TSPAN18: variants seen among roughly 807,000 people sequenced by gnomAD.
TSPAN18 encodes the protein tetraspanin-18.
TSPAN18 carries 14 observed loss-of-function variants against 27.3 expected under a neutral mutation model. That is an observed-to-expected ratio of 0.51 (90% confidence interval 0.34 to 0.80). TSPAN18 has a LOEUF of 0.80. Ranked by LOEUF, TSPAN18 falls within the 30% of genes least tolerant of loss-of-function variation. TSPAN18 has a pLI of 0.01. For synonymous variants in TSPAN18, 143 were observed against 136.5 expected, an observed-to-expected ratio of 1.05 and a Z score of -0.33; for missense variants, 268 against 323.9, an observed-to-expected ratio of 0.83 and a Z score of 1.32.
intron 8 of TSPAN18, among the ~76,000 whole-genome samples, chr11:44,922,846 C>T (rs1261805687): frequency 6.6e-6 from 1 of 152,252 alleles, no homozygotes; most frequent in East Asian, 1.9e-4. Context: ...CGTTGGCTCA[C>T]GCCTGTAATC....
intron 3 of TSPAN18, among the ~76,000 whole-genome samples, chr11:44,871,363 A>G (rs1858190493): frequency 6.6e-6 from 1 of 152,130 alleles, no homozygotes. Flanking sequence ...AAGGGCACTA[A>G]TCTTATTCAT....
intron 2 of TSPAN18, among the ~76,000 whole-genome samples, chr11:44,850,142 C>T (rs1028028971): frequency 1.3e-5 from 2 of 152,180 alleles, no homozygotes; most frequent in African/African-American, 4.8e-5. Context: ...TGAAGCCGCT[C>T]CTGCTCCCCA....
intron 1 of TSPAN18, among the ~76,000 whole-genome samples, chr11:44,744,977 A>G (rs949947270): frequency 1.3e-5 from 2 of 151,684 alleles, no homozygotes; most frequent in African/African-American, 4.8e-5. Context: ...GACGTCTGTC[A>G]TGGTTGGAGG....
chr11:44,831,406 T>G (rs903097910), intron 2 of TSPAN18, among the ~76,000 whole-genome samples: 1 of 152,210 alleles, frequency 6.6e-6, no homozygotes, highest in Non-Finnish European at 1.5e-5. Context: ...GCACTAGAGC[T>G]GACAAGTGTG....
chr11:44,844,613 T>A (rs1351439022), intron 2 of TSPAN18, among the ~76,000 whole-genome samples: 2 of 152,260 alleles, frequency 1.3e-5, no homozygotes, highest in Non-Finnish European at 2.9e-5. Context: ...TATATGCTTA[T>A]CAGCTATTTG....
In TSPAN18 at chr11:44,847,838, CT is replaced by C. The variant is rs1259028533; in HGVS notation, c.-152-12478del. Among the ~76,000 whole-genome samples, 225 of 144,020 alleles carry C rather than the reference CT, an allele frequency of 1.6e-3. 1 individual carries two copies. Among genetic ancestry groups the C allele is most frequent in the Middle Eastern group, 7.2e-3 (2 of 276 alleles). 94.5% of individuals were successfully genotyped at this position (144,020 alleles called of 152,430 possible). On this transcript the variant is annotated intron_variant, in intron 2 of 9. Coordinates refer to ENST00000520358, the MANE Select transcript of TSPAN18 (RefSeq NM_130783.5). ...TGAGGGCTCAAAGTAACTTTTGTTG[CT>C]TTTTTTTTTTTCCCAATGGAGTTTC...
At chr11:44,815,534 G>A (rs1856802919) in intron 2 of TSPAN18, among the ~76,000 whole-genome samples, 1 of 152,142 alleles carries the variant, frequency 6.6e-6, no homozygotes. Flanking sequence ...GGGGGTCTGG[G>A]GAGTTGAGGG....
intron 1 of TSPAN18, among the ~76,000 whole-genome samples, chr11:44,735,019 C>T (rs939568611): frequency 2.6e-5 from 4 of 152,188 alleles, no homozygotes; most frequent in African/African-American, 4.8e-5. Context: ...AGGCTGGACA[C>T]GGGGAGTGGA....
intron 2 of TSPAN18, among the ~76,000 whole-genome samples, chr11:44,785,830 C>T (rs1218758401): frequency 2.0e-5 from 3 of 152,198 alleles, no homozygotes; most frequent in South Asian, 2.1e-4. Context: ...AGGGCAGCTT[C>T]GATGCTGGGG....
At chr11:44,905,884 C>T (rs747800756) in intron 3 of TSPAN18, among the ~76,000 whole-genome samples, 35 of 152,188 alleles carry the variant, frequency 2.3e-4, no homozygotes, top group Non-Finnish European at 4.6e-4. Flanking sequence ...CACCCCATCT[C>T]GCTGGCACCA....
chr11:44,851,467 C>T (rs1216089662), intron 2 of TSPAN18, among the ~76,000 whole-genome samples: 2 of 152,158 alleles, frequency 1.3e-5, no homozygotes, highest in Non-Finnish European at 2.9e-5. Flanking sequence ...TCTCCATCAG[C>T]TTCTGGAGAG....
chr11:44,776,125 T>C (rs1363490531), intron 2 of TSPAN18, among the ~76,000 whole-genome samples: 1 of 152,224 alleles, frequency 6.6e-6, no homozygotes, highest in Non-Finnish European at 1.5e-5. Context: ...TATTGGGCTT[T>C]ACAGCCTGCA....
intron 2 of TSPAN18, among the ~76,000 whole-genome samples, chr11:44,845,884 T>C (rs969280827): frequency 3.3e-5 from 5 of 152,216 alleles, no homozygotes; most frequent in African/African-American, 1.2e-4. Context: ...ATGCCAGACC[T>C]ACGGCATTTC....
chr11:44,844,961 G>T (rs753813458), intron 2 of TSPAN18, among the ~76,000 whole-genome samples: 1 of 152,106 alleles, frequency 6.6e-6, no homozygotes, highest in Non-Finnish European at 1.5e-5. Flanking sequence ...GCTCCAAAGG[G>T]GTATCAAAAG....
intron 2 of TSPAN18, among the ~76,000 whole-genome samples, chr11:44,817,009 C>T (rs1856829902): frequency 6.6e-6 from 1 of 152,206 alleles, no homozygotes; most frequent in African/African-American, 2.4e-5. Flanking sequence ...CAGTGAGCTA[C>T]TGGAGCTAGC....
chr11:44,749,235 C>T (rs1468291977), intron 1 of TSPAN18, among the ~76,000 whole-genome samples: 1 of 152,248 alleles, frequency 6.6e-6, no homozygotes, highest in Non-Finnish European at 1.5e-5. Flanking sequence ...GAGCGAGTCT[C>T]TTATCCTCTG....
At chr11:44,845,574 T>C (rs1344743726) in intron 2 of TSPAN18, among the ~76,000 whole-genome samples, 1 of 152,176 alleles carries the variant, frequency 6.6e-6, no homozygotes, top group Non-Finnish European at 1.5e-5. Context: ...AGCCTTCACA[T>C]AGGAGGCAAC....
intron 1 of TSPAN18, among the ~76,000 whole-genome samples, chr11:44,748,688 G>A (rs1034345001): frequency 2.0e-5 from 3 of 152,146 alleles, no homozygotes; most frequent in Non-Finnish European, 4.4e-5. Context: ...TCATAGCACC[G>A]CACTTTTATT....
At chr11:44,785,682 CT>C (rs1194330836) in intron 2 of TSPAN18, among the ~76,000 whole-genome samples, 5 of 152,182 alleles carry the variant, frequency 3.3e-5, no homozygotes, top group Non-Finnish European at 7.3e-5. Context: ...GGGCCTCCCC[CT>C]GCCCCTTTCC....
Sources: allele counts gnomAD v4.1 joint callset (sites outside exome capture counted in the v4.1 genomes callset), GRCh38; gene constraint gnomAD v4.1.1; transcripts MANE v1.5; gene names NCBI Gene and HGNC (gene_info 2026-07-23, HGNC 2026-07-21).